The following CPA6 variants were observed in gnomAD, a reference collection of about 807,000 sequenced individuals.
CPA6 encodes carboxypeptidase A6, also known as carboxypeptidase B.
In CPA6, 58 loss-of-function variants were observed where a neutral mutation model predicts 63.3. The ratio of observed to expected loss-of-function variants is 0.92; its 90% CI spans 0.74 to 1.14. The LOEUF is 1.14. CPA6 is among the 50% of genes most tolerant of loss of function. The pLI is 0.00. For missense variants in CPA6, 565 were observed against 526.6 expected (o/e 1.07, Z -0.71); for synonymous variants, 185 against 179.0 (o/e 1.03, Z -0.27).
intron 2 of CPA6, among the ~76,000 whole-genome samples, chr8:67,518,560 G>A (rs1280241538): frequency 2.0e-5 from 3 of 150,066 alleles, no homozygotes; most frequent in Non-Finnish European, 4.4e-5. Flanking sequence ...AGGTTGGAGG[G>A]CAGTGGCGTG....
Position 67,476,353 on chromosome 8 carries a change from C to T in CPA6, c.838+7415G>A, listed in dbSNP as rs138578725. 6.1e-4 allele frequency among the ~76,000 whole-genome samples: 93 copies of T among 152,158 alleles called. 1 individual carries two copies. The highest frequency in any genetic ancestry group is 1.3e-3 in the African/African-American group (53 of 41,510). On this transcript the variant is annotated intron_variant, in intron 8 of 10. Transcript: ENST00000297770. ...TGTGGGCTACAAAAATCTGCCTTCACGGGAAGATGCCAAACTCTGGCTGGG... is the reference window on the plus strand; with the variant it reads ...TGTGGGCTACAAAAATCTGCCTTCATGGGAAGATGCCAAACTCTGGCTGGG...
intron 1 of CPA6, among the ~76,000 whole-genome samples, chr8:67,652,663 C>T (rs1265471052): frequency 3.3e-4 from 49 of 148,942 alleles, no homozygotes; most frequent in Non-Finnish European, 3.3e-4. Flanking sequence ...GAGTAGGTTG[C>T]GAAAATTTTC....
chr8:67,701,981 G>A (rs749191907), intron 1 of CPA6, among the ~76,000 whole-genome samples: 6 of 152,098 alleles, frequency 3.9e-5, no homozygotes, highest in South Asian at 2.1e-4. Flanking sequence ...AAGATTGTGC[G>A]TGCAGTGTTC....
At chr8:67,707,363 C>T (rs1273218628) in intron 1 of CPA6, among the ~76,000 whole-genome samples, 3 of 152,124 alleles carry the variant, frequency 2.0e-5, no homozygotes. Context: ...TTTTCAAAGC[C>T]AAGAAAACTT....
At chr8:67,475,765 TTCTC>T in intron 8 of CPA6, among the ~76,000 whole-genome samples, 1 of 108,848 alleles carries the variant, frequency 9.2e-6, no homozygotes, top group South Asian at 3.4e-4. Context: ...TTTTCTTTCT[TTCTC>T]TTTCTTTCTT....
At chr8:67,450,658 C>T (rs951274627) in intron 8 of CPA6, among the ~76,000 whole-genome samples, 5 of 152,178 alleles carry the variant, frequency 3.3e-5, no homozygotes, top group East Asian at 1.9e-4. Flanking sequence ...AATCAGGCTA[C>T]GGGTGAAGAC....
At chr8:67,536,723 C>T (rs1812592822) in intron 2 of CPA6, among the ~76,000 whole-genome samples, 1 of 152,154 alleles carries the variant, frequency 6.6e-6, no homozygotes. Flanking sequence ...GCTAGAACTT[C>T]CAATACTATG....
intron 8 of CPA6, among the ~76,000 whole-genome samples, chr8:67,444,190 G>T (rs1483857876): frequency 6.6e-6 from 1 of 151,728 alleles, no homozygotes; most frequent in Non-Finnish European, 1.5e-5. Context: ...GGGTTTCACC[G>T]TGTTAGCCAG....
intron 2 of CPA6, among the ~76,000 whole-genome samples, chr8:67,603,055 G>T (rs1814537597): frequency 6.6e-6 from 1 of 152,144 alleles, no homozygotes; most frequent in Admixed American, 6.5e-5. Context: ...TGACAAAAAT[G>T]ATTTTTGTGT....
At chr8:67,578,558 C>T (rs1047875652) in intron 2 of CPA6, among the ~76,000 whole-genome samples, 1 of 152,156 alleles carries the variant, frequency 6.6e-6, no homozygotes, top group African/African-American at 2.4e-5. Flanking sequence ...TCTTGATTAC[C>T]AAGATGGACT....
chr8:67,495,791 G>A (rs987035383), intron 6 of CPA6, among the ~76,000 whole-genome samples: 3 of 152,062 alleles, frequency 2.0e-5, no homozygotes, highest in African/African-American at 7.2e-5. Context: ...GGGCTCAAGC[G>A]ATCCTTCCAC....
intron 1 of CPA6, among the ~76,000 whole-genome samples, chr8:67,693,719 C>G (rs1228481522): frequency 6.6e-6 from 1 of 152,198 alleles, no homozygotes; most frequent in African/African-American, 2.4e-5. Flanking sequence ...CCCAAATCTG[C>G]TGGCCCTTTC....
At chr8:67,637,689 C>T (rs534887367) in intron 1 of CPA6, among the ~76,000 whole-genome samples, 1 of 151,274 alleles carries the variant, frequency 6.6e-6, no homozygotes, top group East Asian at 1.9e-4. Context: ...CAAACAATAC[C>T]TTATTATTAT....
chr8:67,533,421 T>C (rs1812518596), intron 2 of CPA6, among the ~76,000 whole-genome samples: 1 of 152,262 alleles, frequency 6.6e-6, no homozygotes, highest in Non-Finnish European at 1.5e-5. Context: ...TGCTATAGAC[T>C]GATTGGCATG....
intron 8 of CPA6, among the ~76,000 whole-genome samples, chr8:67,469,880 C>T (rs1811017380): frequency 1.3e-5 from 2 of 152,102 alleles, no homozygotes; most frequent in South Asian, 2.1e-4. Context: ...CTTCCCTTCA[C>T]TCATTCTAAT....
intron 8 of CPA6, chr8:67,452,514 C>T (rs915078204): frequency 1.3e-5 from 2 of 152,198 alleles, no homozygotes; most frequent in African/African-American, 4.8e-5. Context: ...AACATGGCAG[C>T]CTCAACTATT....
intron 1 of CPA6, among the ~76,000 whole-genome samples, chr8:67,629,539 G>C (rs1025925615): frequency 1.3e-5 from 2 of 149,656 alleles, no homozygotes; most frequent in Admixed American, 6.6e-5. Flanking sequence ...TGAAATAAAA[G>C]TGAACTATAT....
chr8:67,568,256 A>G (rs542658062), intron 2 of CPA6, among the ~76,000 whole-genome samples: 5 of 152,216 alleles, frequency 3.3e-5, no homozygotes, highest in Non-Finnish European at 7.3e-5. Context: ...GATTTAGGAA[A>G]TCATGATACC....
intron 1 of CPA6, among the ~76,000 whole-genome samples, chr8:67,652,067 A>G (rs1815855022): frequency 6.6e-6 from 1 of 152,172 alleles, no homozygotes; most frequent in African/African-American, 2.4e-5. Flanking sequence ...TGCAAAGGAC[A>G]TGAACTCATC....
Sources: gnomAD v4.1 joint callset for allele counts (sites outside exome capture counted in the v4.1 genomes callset) on GRCh38, gnomAD v4.1.1 for gene constraint, MANE v1.5 for transcripts, NCBI Gene and HGNC (gene_info 2026-07-23, HGNC 2026-07-21) for gene names.